PCDHGA5: variants seen among roughly 807,000 people sequenced by gnomAD.
PCDHGA5 encodes protocadherin gamma subfamily A, 5.
PCDHGA5 carries 36 observed loss-of-function variants against 56.7 expected under a neutral mutation model. The ratio of observed to expected loss-of-function variants is 0.64; its 90% CI spans 0.49 to 0.84. The LOEUF (loss-of-function observed/expected upper bound fraction) is 0.84, where lower values mean the gene tolerates loss of function less well. Ranked by LOEUF, PCDHGA5 falls within the 40% of genes least tolerant of loss-of-function variation. The probability of loss-of-function intolerance (pLI) is 0.00; values close to 1 mark genes in which losing one functional copy is unlikely to be tolerated. For missense variants in PCDHGA5, 1,305 were observed against 1,201.5 expected (o/e 1.09, Z -1.27); for synonymous variants, 563 against 520.2 (o/e 1.08, Z -1.12).
intron 1 of PCDHGA5, chr5:141,374,774 A>G: frequency 6.2e-7 from 1 of 1,613,822 alleles, no homozygotes; most frequent in Non-Finnish European, 8.5e-7. Context: ...AATTCTGGTA[A>G]CAGTTCTAGA....
At chr5:141,472,507 T>G (rs919448316) in intron 1 of PCDHGA5, among the ~76,000 whole-genome samples, 2 of 151,872 alleles carry the variant, frequency 1.3e-5, no homozygotes, top group African/African-American at 4.8e-5. Context: ...GCCACTGCAC[T>G]CCAGCCTGGG....
intron 1 of PCDHGA5, among the ~76,000 whole-genome samples, chr5:141,456,544 G>C (rs1020609068): frequency 6.6e-6 from 1 of 152,192 alleles, no homozygotes; most frequent in Non-Finnish European, 1.5e-5. Context: ...AGGGATTGTA[G>C]CCACTCGGGG....
At chr5:141,453,175 A>G (rs928062909) in intron 1 of PCDHGA5, among the ~76,000 whole-genome samples, 2 of 152,088 alleles carry the variant, frequency 1.3e-5, no homozygotes, top group African/African-American at 4.8e-5. Context: ...GTCCAGTGGT[A>G]CAATCACAGC....
chr5:141,372,331 T>G (rs1385749044), intron 1 of PCDHGA5: 2 of 1,613,644 alleles, frequency 1.2e-6, no homozygotes, highest in African/African-American at 1.3e-5. Flanking sequence ...CTGGTCACTG[T>G]GCGTGATGGA....
At chr5:141,414,949 G>C (rs774769957) in intron 1 of PCDHGA5, 13 of 1,613,978 alleles carry the variant, frequency 8.1e-6, no homozygotes, top group African/African-American at 1.3e-5. Context: ...CGGCTACCTG[G>C]TGACCAAGGT....
intron 1 of PCDHGA5, among the ~76,000 whole-genome samples, chr5:141,445,356 A>C (rs1333905692): frequency 6.6e-6 from 1 of 152,202 alleles, no homozygotes; most frequent in Non-Finnish European, 1.5e-5. Flanking sequence ...TGTCTGCCCA[A>C]GTCTGGTCCT....
At position 141,485,704 on chromosome 5, in the gene PCDHGA5, CTT is replaced by C; in HGVS notation, c.2422-9101_2422-9100del. On this transcript the variant is annotated intron_variant, in intron 1 of 3. Coordinates refer to ENST00000518069, the MANE Select transcript of PCDHGA5 (RefSeq NM_018918.3). The surrounding 1 kb of genome is among the most constrained non-coding windows in gnomAD (Gnocchi z 5.7). ...GCTATAGGCTGAGCTCCAATGAACA[CTT>C]TGCACTGGATGTGAAGAAGCGCAGC... is the stretch of plus-strand genomic sequence containing the variant. 6.2e-7 allele frequency: 1 copy of C among 1,614,180 alleles called. No homozygotes were observed. The highest frequency in any genetic ancestry group is 8.5e-7 in the Non-Finnish European group (1 of 1,180,032).
At chr5:141,383,426 G>A (rs72790024) in intron 1 of PCDHGA5, 89,880 of 1,613,866 alleles carry the variant, frequency 0.056, 3,017 homozygotes, top group African/African-American at 0.15. Context: ...AGCCCCAATC[G>A]CCACTTCTCC....
intron 1 of PCDHGA5, chr5:141,418,458 T>C: frequency 6.2e-7 from 1 of 1,614,010 alleles, no homozygotes; most frequent in African/African-American, 1.3e-5. Context: ...CAGAAGACTC[T>C]GGACCGAGAA....
chr5:141,364,718 T>G lies in PCDHGA5; in HGVS notation c.388T>G (p.Phe130Val). The G allele has an allele frequency of 6.2e-7, 1 of 1,613,968 alleles. No homozygotes were observed. Among genetic ancestry groups the G allele is most frequent in the Non-Finnish European group, 8.5e-7 (1 of 1,179,872 alleles). ...AGAAATAATCGATATTAATGATAAC[T>G]TCCCGCGTTTCCGGGATGAAGAGTT... The part of the protein sequence containing the change: ...EVEIIDINDN[F>V]PRFRDEELKV... Residue 130 changes from phenylalanine to valine, a missense_variant, in exon 1 of 4, where the codon TTC becomes GTC. Phe to Val is a conservative substitution (Grantham distance 50). Coordinates refer to ENST00000518069, the MANE Select transcript of PCDHGA5 (RefSeq NM_018918.3).
intron 1 of PCDHGA5, chr5:141,371,564 C>A (rs1767846992): frequency 6.2e-7 from 1 of 1,613,816 alleles, no homozygotes; most frequent in Admixed American, 1.7e-5. Flanking sequence ...AAGGAAACTT[C>A]CCCTTTAAAA....
intron 1 of PCDHGA5, chr5:141,405,602 A>C: frequency 1.7e-6 from 1 of 572,914 alleles, no homozygotes; most frequent in South Asian, 2.3e-5. Flanking sequence ...CCCAAGTAGA[A>C]TAACTGGGAC....
intron 1 of PCDHGA5, chr5:141,384,826 G>T: frequency 6.2e-7 from 1 of 1,613,472 alleles, no homozygotes; most frequent in Non-Finnish European, 8.5e-7. Context: ...GCAGAGCCTC[G>T]TGGTGGCCGT....
At chr5:141,414,155 A>G in intron 1 of PCDHGA5, 1 of 1,601,706 alleles carries the variant, frequency 6.2e-7, no homozygotes, top group Non-Finnish European at 8.5e-7. Context: ...CAAGCAGAAG[A>G]TGGAGGAGCA....
chr5:141,404,790 A>T, intron 1 of PCDHGA5: 1 of 1,611,288 alleles, frequency 6.2e-7, no homozygotes, highest in East Asian at 2.2e-5. Context: ...AAGGCCAGTG[A>T]GCCAGGGCTC....
chr5:141,442,457 T>G (rs1209684998), intron 1 of PCDHGA5: 1 of 152,268 alleles, frequency 6.6e-6, no homozygotes, highest in African/African-American at 2.4e-5. Context: ...AATAGCAGTT[T>G]CACTGCAGAA....
chr5:141,424,878 G>A (rs1455273258), intron 1 of PCDHGA5, among the ~76,000 whole-genome samples: 2 of 152,162 alleles, frequency 1.3e-5, no homozygotes, highest in African/African-American at 4.8e-5. Context: ...GAGGAAAGGA[G>A]ACTTATCTAG....
chr5:141,465,490 G>A (rs917234604), intron 1 of PCDHGA5, among the ~76,000 whole-genome samples: 9 of 152,170 alleles, frequency 5.9e-5, no homozygotes, highest in East Asian at 1.9e-4. Flanking sequence ...AGGAATGAGC[G>A]GGAGCATTGT....
At chr5:141,449,588 CAAAAAAA>C (rs768743917) in intron 1 of PCDHGA5, among the ~76,000 whole-genome samples, 5 of 57,506 alleles carry the variant, frequency 8.7e-5, no homozygotes, top group Admixed American at 3.6e-4. Flanking sequence ...GACTCTGTCT[CAAAAAAA>C]AAAAAAAAAA....
Sources: allele counts gnomAD v4.1 joint callset (sites outside exome capture counted in the v4.1 genomes callset), GRCh38; gene constraint gnomAD v4.1.1; non-coding constraint Gnocchi (gnomAD v3.1); transcripts MANE v1.5; gene names NCBI Gene and HGNC (gene_info 2026-07-23, HGNC 2026-07-21).